The following TSHZ2 variants were observed in gnomAD, a reference collection of about 807,000 sequenced individuals.
TSHZ2 encodes teashirt homolog 2.
In TSHZ2, 21 loss-of-function variants were observed where a neutral mutation model predicts 74.4. The observed-to-expected ratio is 0.28, with a 90% CI of 0.20 to 0.41. The LOEUF (loss-of-function observed/expected upper bound fraction) is 0.41. Among genes scored for constraint, TSHZ2 ranks in the 10% least tolerant of loss-of-function variants. The pLI is 1.00. For synonymous variants in TSHZ2, 540 were observed against 515.3 expected (o/e 1.05, Z -0.65); for missense variants, 1,244 against 1,293.5 (o/e 0.96, Z 0.59).
intron 1 of TSHZ2, among the ~76,000 whole-genome samples, chr20:53,124,365 T>C (rs185767689): frequency 6.6e-6 from 1 of 152,336 alleles, no homozygotes; most frequent in African/African-American, 2.4e-5. Context: ...ATTTCATTCC[T>C]AATGAACAAA....
At chr20:53,381,444 C>T (rs1414485656) in intron 2 of TSHZ2, among the ~76,000 whole-genome samples, 1 of 152,206 alleles carries the variant, frequency 6.6e-6, no homozygotes, top group Non-Finnish European at 1.5e-5. Context: ...GGACTGCCTC[C>T]TCATGCCATG....
At chr20:53,130,072 G>A (rs181543777) in intron 1 of TSHZ2, among the ~76,000 whole-genome samples, 1 of 151,910 alleles carries the variant, frequency 6.6e-6, no homozygotes, top group Admixed American at 6.6e-5. Flanking sequence ...AGTAGGAAAA[G>A]AAAATGTTAG....
At chr20:53,353,581 T>C (rs1980737454) in intron 2 of TSHZ2, among the ~76,000 whole-genome samples, 1 of 151,992 alleles carries the variant, frequency 6.6e-6, no homozygotes, top group Admixed American at 6.6e-5. Context: ...TGGCCTAGGG[T>C]TGTATATTTA....
intron 1 of TSHZ2, among the ~76,000 whole-genome samples, chr20:53,117,465 C>G (rs1986701290): frequency 6.6e-6 from 1 of 152,166 alleles, no homozygotes. Flanking sequence ...AGCCTCCTTC[C>G]TGGTGAAGGG....
intron 2 of TSHZ2, among the ~76,000 whole-genome samples, chr20:53,388,275 C>T (rs962315165): frequency 1.3e-5 from 2 of 152,206 alleles, no homozygotes; most frequent in South Asian, 4.1e-4. Context: ...AGGTGGAGGA[C>T]ACTGAAGATA....
At chr20:53,001,030 G>C (rs750448585) in intron 1 of TSHZ2, among the ~76,000 whole-genome samples, 7 of 152,118 alleles carry the variant, frequency 4.6e-5, no homozygotes, top group Non-Finnish European at 8.8e-5. Flanking sequence ...GTGGAAGAGG[G>C]GGACAGCCAT....
intron 2 of TSHZ2, among the ~76,000 whole-genome samples, chr20:53,339,355 C>T (rs1378053657): frequency 2.0e-5 from 3 of 152,032 alleles, no homozygotes; most frequent in African/African-American, 7.3e-5. Flanking sequence ...GAGTTGTCCC[C>T]AGCCTCAAGC....
intron 1 of TSHZ2, among the ~76,000 whole-genome samples, chr20:53,081,065 G>A (rs1255280343): frequency 1.3e-5 from 2 of 152,112 alleles, no homozygotes; most frequent in Admixed American, 6.5e-5. Context: ...ACCCAAGTTA[G>A]AGTGCAGTGG....
intron 1 of TSHZ2, among the ~76,000 whole-genome samples, chr20:53,227,400 T>C (rs1026791764): frequency 2.6e-5 from 4 of 152,080 alleles, no homozygotes; most frequent in Non-Finnish European, 5.9e-5. Flanking sequence ...TTGGCTGTGC[T>C]ATATTTTATG....
chr20:53,197,642 A>C (rs1272217484), intron 1 of TSHZ2, among the ~76,000 whole-genome samples: 1 of 152,202 alleles, frequency 6.6e-6, no homozygotes, highest in East Asian at 1.9e-4. Flanking sequence ...TAGAAAACAA[A>C]GTTTTTGATA....
At chr20:53,340,173 C>CTTTTTTTTT (rs1285149762) in intron 2 of TSHZ2, among the ~76,000 whole-genome samples, 8 of 62,118 alleles carry the variant, frequency 1.3e-4, no homozygotes, top group African/African-American at 6.4e-4. Flanking sequence ...GGTGACTTTT[C>CTTTTTTTTT]TTTCTTTTTT....
intron 2 of TSHZ2, among the ~76,000 whole-genome samples, chr20:53,361,027 G>A (rs116328372): frequency 0.02 from 3,117 of 152,182 alleles, 126 homozygotes; most frequent in African/African-American, 0.071. Context: ...AAATCCACAC[G>A]TGCTGAATTC....
intron 1 of TSHZ2, among the ~76,000 whole-genome samples, chr20:53,125,618 A>C (rs1986927551): frequency 6.6e-6 from 1 of 152,150 alleles, no homozygotes; most frequent in Non-Finnish European, 1.5e-5. Context: ...ACTATCAGGC[A>C]ACCCCCCGGT....
Position 52,972,967 on chromosome 20 carries a change from A to G in TSHZ2, c.-327A>G, listed in dbSNP as rs983902980. 24 of 352,884 alleles carry G rather than the reference A, an allele frequency of 6.8e-5. No homozygotes were observed. The highest frequency in any genetic ancestry group is 7.3e-4 in the Middle Eastern group (1 of 1,366). The allele number at this position is 352,884 out of a possible 1,614,324, so 21.9% of individuals were successfully genotyped here. A position where few individuals can be genotyped will look rare whatever the true frequency, so the allele number is the denominator to read the frequency against. ...TCACCAAAAAAAAAAAAAACCGCAA[A>G]AACAAAACCAAAAAAATTCCAAAAG... On this transcript the variant is annotated 5_prime_UTR_variant, in exon 1 of 3. Coordinates refer to ENST00000371497, the MANE Select transcript of TSHZ2 (RefSeq NM_173485.6).
At chr20:53,012,938 CT>C (rs1460826050) in intron 1 of TSHZ2, among the ~76,000 whole-genome samples, 1 of 152,142 alleles carries the variant, frequency 6.6e-6, no homozygotes, top group Non-Finnish European at 1.5e-5. Flanking sequence ...CTCTCTTTTA[CT>C]TTGCCAAATA....
At chr20:53,402,824 T>A (rs1167624174) in intron 2 of TSHZ2, among the ~76,000 whole-genome samples, 1 of 151,958 alleles carries the variant, frequency 6.6e-6, no homozygotes, top group Non-Finnish European at 1.5e-5. Context: ...AGGAAGTGAG[T>A]GAGTCAGAAA....
chr20:52,977,898 A>C (rs565278328), intron 1 of TSHZ2, among the ~76,000 whole-genome samples: 384 of 152,270 alleles, frequency 2.5e-3, no homozygotes, highest in African/African-American at 9.0e-3. Context: ...GCTGAAGATT[A>C]CTTTTGGGGA....
At chr20:53,118,120 G>C (rs1245680832) in intron 1 of TSHZ2, among the ~76,000 whole-genome samples, 2 of 152,302 alleles carry the variant, frequency 1.3e-5, no homozygotes, top group Middle Eastern at 3.4e-3. Flanking sequence ...GCATTCATGG[G>C]TTAAAAGGGA....
chr20:53,306,305 C>A (rs1273767606), intron 2 of TSHZ2, among the ~76,000 whole-genome samples: 1 of 152,182 alleles, frequency 6.6e-6, no homozygotes, highest in African/African-American at 2.4e-5. Context: ...CCATTAGCAT[C>A]TTATTCACCA....
Sources: gnomAD v4.1 joint callset for allele counts (sites outside exome capture counted in the v4.1 genomes callset) on GRCh38, gnomAD v4.1.1 for gene constraint, MANE v1.5 for transcripts, NCBI Gene and HGNC (gene_info 2026-07-23, HGNC 2026-07-21) for gene names.